MBNL1: variants seen among roughly 807,000 people sequenced by gnomAD.
MBNL1 encodes the protein muscleblind like splicing regulator 1.
A neutral mutation model predicts 42.2 loss-of-function variants in MBNL1; 8 were observed. The ratio of observed to expected loss-of-function variants is 0.19; its 90% CI spans 0.11 to 0.34. The LOEUF (loss-of-function observed/expected upper bound fraction) is 0.34, where lower values mean the gene tolerates loss of function less well. Ranked by LOEUF, MBNL1 falls within the 10% of genes least tolerant of loss-of-function variation. MBNL1 has a pLI of 1.00. For missense variants in MBNL1, 309 were observed against 495.3 expected, an observed-to-expected ratio of 0.62 and a Z score of 3.57; for synonymous variants, 169 against 173.9, an observed-to-expected ratio of 0.97 and a Z score of 0.22.
chr3:152,456,415 C>G (rs1303964488), intron 8 of MBNL1, 54 bp downstream of exon 8: 1 of 1,401,272 alleles, frequency 7.1e-7, no homozygotes, highest in Non-Finnish European at 1.0e-6. Context: ...AGGGCTCAAT[C>G]CAACAGCCCT....
At chr3:152,332,739 TGC>T (rs1229920740) in intron 2 of MBNL1, among the ~76,000 whole-genome samples, 9,222 of 115,532 alleles carry the variant, frequency 0.08, 385 homozygotes, top group African/African-American at 0.13. Context: ...TGTGTGTGTG[TGC>T]GCGCGCGCAT....
At chr3:152,356,174 C>T (rs1041847034) in intron 2 of MBNL1, among the ~76,000 whole-genome samples, 10 of 151,866 alleles carry the variant, frequency 6.6e-5, no homozygotes, top group African/African-American at 2.4e-4. Context: ...GCTTTATGCT[C>T]AGATGCAATT....
At chr3:152,306,026 A>G (rs1480918388) in intron 2 of MBNL1, among the ~76,000 whole-genome samples, 2 of 152,188 alleles carry the variant, frequency 1.3e-5, no homozygotes, top group African/African-American at 4.8e-5. Context: ...AACCCCTGAT[A>G]TCTTCTAATT....
chr3:152,280,869 C>CTTA (rs1246661568), intron 1 of MBNL1, among the ~76,000 whole-genome samples: 1 of 151,988 alleles, frequency 6.6e-6, no homozygotes, highest in Non-Finnish European at 1.5e-5. Flanking sequence ...GATTTTATTG[C>CTTA]TTATTATTAT....
At chr3:152,354,339 C>G (rs1032911208) in intron 2 of MBNL1, among the ~76,000 whole-genome samples, 14 of 152,092 alleles carry the variant, frequency 9.2e-5, no homozygotes, top group Admixed American at 8.5e-4. Flanking sequence ...CCTGTGGTCC[C>G]TGCTACGTGG....
chr3:152,418,905 G>A (rs1237465579), intron 3 of MBNL1, among the ~76,000 whole-genome samples: 1 of 151,690 alleles, frequency 6.6e-6, no homozygotes, highest in Non-Finnish European at 1.5e-5. Flanking sequence ...TTTTGTAGAG[G>A]CGGGGTTTCA....
Position 152,261,290 on chromosome 3 carries a change from A to G in MBNL1, n.333+16850A>G, listed in dbSNP as rs142036116. ...GTCTCCTCATTATGAGCATGGGGTC[A>G]TAATTACCTCACATACCTCTTGTTT... On this transcript the variant is annotated intron_variant and non_coding_transcript_variant, in intron 2 of 2. Transcript: ENST00000477171. 2.0e-5 allele frequency among the ~76,000 whole-genome samples: 3 copies of G among 152,330 alleles called. No individual in the cohort carries two copies. In the East Asian group the frequency reaches 5.8e-4, roughly 29 times the overall value.
At chr3:152,430,122 T>C (rs2098987515) in intron 3 of MBNL1, among the ~76,000 whole-genome samples, 1 of 152,200 alleles carries the variant, frequency 6.6e-6, no homozygotes, top group Admixed American at 6.5e-5. Context: ...TTTTACATAA[T>C]AAAAGTATTA....
intron 2 of MBNL1, among the ~76,000 whole-genome samples, chr3:152,309,278 G>A (rs2065024352): frequency 6.6e-6 from 1 of 152,054 alleles, no homozygotes; most frequent in African/African-American, 2.4e-5. Flanking sequence ...AATCATCATG[G>A]GTCAGTTGGT....
At chr3:152,293,999 A>G (rs1164976774) in intron 1 of MBNL1, among the ~76,000 whole-genome samples, 1 of 148,906 alleles carries the variant, frequency 6.7e-6, no homozygotes, top group East Asian at 1.9e-4. Context: ...TGTTGAAAGA[A>G]TAAGAATAAT....
At chr3:152,375,129 C>T (rs1323517801) in intron 2 of MBNL1, among the ~76,000 whole-genome samples, 2 of 152,152 alleles carry the variant, frequency 1.3e-5, no homozygotes, top group African/African-American at 2.4e-5. Flanking sequence ...CGTGTGCCAC[C>T]ACACTTACCC....
At chr3:152,269,916 CT>C (rs76465541) in intron 1 of MBNL1, 1,754 of 101,300 alleles carry the variant, frequency 0.017, 50 homozygotes, top group African/African-American at 0.046. Context: ...CACCCCCCAA[CT>C]TTTTTTTTTT....
chr3:152,258,900 A>G (rs1368458648), intron 2 of MBNL1, among the ~76,000 whole-genome samples: 1 of 152,210 alleles, frequency 6.6e-6, no homozygotes, highest in African/African-American at 2.4e-5. Context: ...TAATCAAGAA[A>G]AGTTGACACC....
chr3:152,341,134 G>A, intron 2 of MBNL1: 1 of 454,066 alleles, frequency 2.2e-6, no homozygotes. Flanking sequence ...CATTAAAATG[G>A]GTAATTCTTT....
intron 2 of MBNL1, among the ~76,000 whole-genome samples, chr3:152,358,049 A>T (rs528350707): frequency 6.6e-6 from 1 of 152,312 alleles, no homozygotes; most frequent in East Asian, 1.9e-4. Flanking sequence ...GTGTGTATAA[A>T]TTAAGGAATG....
At chr3:152,451,234 G>A (rs193205266) in intron 6 of MBNL1, among the ~76,000 whole-genome samples, 82 of 152,226 alleles carry the variant, frequency 5.4e-4, no homozygotes, top group Admixed American at 2.6e-3. Flanking sequence ...AGGTGGCTGC[G>A]TATAGAGTAG....
chr3:152,456,305 G>A lies in MBNL1; in HGVS notation c.1036G>A (p.Ala346Thr), dbSNP rs773149172. 6.2e-6 allele frequency: 10 copies of A among 1,613,778 alleles called. No homozygotes were observed. Among genetic ancestry groups the A allele is most frequent in the Admixed American group, 3.3e-5 (2 of 59,982 alleles). Residue 346 changes from alanine to threonine, a missense_variant, in exon 8 of 10, where the codon GCA becomes ACA. Ala to Thr is a moderately conservative substitution (Grantham distance 58). Transcript: ENST00000324210. ...VHGATPATVS[A>T]ATTSATSVPF... is the part of the protein sequence containing the mutation. ...CGGTGCTACGCCAGCCACTGTGTCC[G>A]CAGCAACAACATCTGCCACAAGTGT...
intron 2 of MBNL1, among the ~76,000 whole-genome samples, chr3:152,413,873 A>G (rs773366865): frequency 6.6e-6 from 1 of 152,222 alleles, no homozygotes. Context: ...ACCATATTAC[A>G]TATTATAGGC....
chr3:152,452,647 A>G (rs1441746949), intron 6 of MBNL1, among the ~76,000 whole-genome samples: 2 of 152,188 alleles, frequency 1.3e-5, no homozygotes, highest in East Asian at 1.9e-4. Flanking sequence ...CTATTGTGAA[A>G]GAACAGGCTA....
Sources: allele counts gnomAD v4.1 joint callset (sites outside exome capture counted in the v4.1 genomes callset), GRCh38; gene constraint gnomAD v4.1.1; transcripts MANE v1.5; gene names NCBI Gene and HGNC (gene_info 2026-07-23, HGNC 2026-07-21).